The following AASS variants were observed in gnomAD, a reference collection of about 807,000 sequenced individuals.
The protein encoded by AASS is aminoadipate-semialdehyde synthase.
Under a neutral mutation model 105.4 loss-of-function variants are expected in AASS, and 86 were observed. That is an observed-to-expected ratio of 0.82 (90% CI 0.69 to 0.98). The LOEUF is 0.98. Among genes scored for constraint, AASS ranks in the 50% least tolerant of loss-of-function variants. AASS has a pLI of 0.00. For synonymous variants in AASS, 381 were observed against 394.8 expected, an observed-to-expected ratio of 0.96 and a Z score of 0.41; for missense variants, 1,048 against 1,143.2, an observed-to-expected ratio of 0.92 and a Z score of 1.20.
chr7:122,093,099 T>C lies in AASS; in HGVS notation c.1715A>G (p.Asn572Ser), dbSNP rs867051418. The C allele has an allele frequency of 1.7e-5, 28 of 1,614,016 alleles. No individual in the cohort carries two copies. Among genetic ancestry groups the C allele is most frequent in the Non-Finnish European group, 2.4e-5 (28 of 1,179,892 alleles). Residue 572 changes from asparagine to serine, a missense_variant, in exon 16 of 24, where the codon AAC becomes AGC. Transcript: ENST00000417368. ...VAKACITNKV[N>S]MVTASYITPA... is the part of the protein sequence containing the mutation. ...TGTGATGTAGCTTGCAGTGACCATG[T>C]TAACTTTGTTTGTGATGCAGGCCTT...
chr7:122,113,089 G>C, intron 11 of AASS, 29 bp downstream of exon 11: 1 of 1,538,848 alleles, frequency 6.5e-7, no homozygotes, highest in Non-Finnish European at 9.0e-7. Context: ...AAGCCACAGA[G>C]TTGTTACTGA....
At chr7:122,141,715 A>G (rs1174154980) in intron 1 of AASS, among the ~76,000 whole-genome samples, 1 of 151,216 alleles carries the variant, frequency 6.6e-6, no homozygotes, top group Non-Finnish European at 1.5e-5. Flanking sequence ...CTCATAGATC[A>G]ACAAATGTCG....
chr7:122,143,352 C>G (rs1182036759), intron 1 of AASS, among the ~76,000 whole-genome samples: 1 of 151,456 alleles, frequency 6.6e-6, no homozygotes, highest in African/African-American at 2.4e-5. Context: ...TTCCGCTCCC[C>G]CCACCCCCAT....
intron 18 of AASS, among the ~76,000 whole-genome samples, chr7:122,087,910 G>C (rs541872757): frequency 6.6e-6 from 1 of 152,288 alleles, no homozygotes; most frequent in South Asian, 2.1e-4. Flanking sequence ...AGAAGATGGA[G>C]AAATGTCAGC....
chr7:122,120,767 A>C (rs1402922727), intron 4 of AASS, among the ~76,000 whole-genome samples: 1 of 152,022 alleles, frequency 6.6e-6, no homozygotes, highest in Non-Finnish European at 1.5e-5. Context: ...TTATTCTCTT[A>C]AAAATATCTT....
At chr7:122,079,756 T>A in intron 20 of AASS, 44 bp from the exon 21 acceptor site, 1 of 1,326,214 alleles carries the variant, frequency 7.5e-7, no homozygotes, top group Non-Finnish European at 1.1e-6. Flanking sequence ...CCCTAACAAA[T>A]TTTTTTTTAA....
chr7:122,076,751 G>A (rs537694612), intron 23 of AASS, 144 bp from the exon 24 acceptor site: 18 of 689,694 alleles, frequency 2.6e-5, no homozygotes, highest in Middle Eastern at 2.4e-4. Flanking sequence ...GCTTAAAAAC[G>A]TCCCTTAGTA....
chr7:122,076,368 T>C lies in AASS; in HGVS notation c.*121A>G. On this transcript the variant is annotated 3_prime_UTR_variant, in exon 24 of 24. Coordinates refer to ENST00000417368, the MANE Select transcript of AASS (RefSeq NM_005763.4). ...AAAGATTTATAGTTCAAAAAGTACATTGTGTTAACCAAAACATATTATGCT... is the reference window on the plus strand; with the variant it reads ...AAAGATTTATAGTTCAAAAAGTACACTGTGTTAACCAAAACATATTATGCT... 2.6e-6 allele frequency: 2 copies of C among 759,734 alleles called. No individual in the cohort carries two copies. 47.1% of individuals were successfully genotyped at this position (759,734 alleles called of 1,614,324 possible).
chr7:122,118,006 G>A (rs1009853805), intron 6 of AASS, among the ~76,000 whole-genome samples: 1 of 151,976 alleles, frequency 6.6e-6, no homozygotes, highest in Admixed American at 6.6e-5. Flanking sequence ...AGTATTCCAA[G>A]ACTCCGATAG....
At position 122,113,211 on chromosome 7, in the gene AASS, G is replaced by T; in HGVS notation, c.1185C>A (p.Ile395=). Residue 395 remains isoleucine, a synonymous_variant, in exon 11 of 24, where the codon ATC becomes ATA. Transcript: ENST00000417368. ...IIHDSVEGSG[I]LMCSIDNLPA... is the part of the protein sequence containing the mutation. The stretch of plus-strand genomic sequence containing the variant: ...GCAAATTGTCAATGGAACACATCAG[G>T]ATCCCCGAGCCTTCAACACTAAAAG... The T allele has an allele frequency of 1.2e-6, 2 of 1,613,980 alleles. No individual in the cohort carries two copies. The highest frequency in any genetic ancestry group is 1.1e-5 in the South Asian group (1 of 91,082).
chr7:122,119,456 T>C (rs999519314), intron 4 of AASS, among the ~76,000 whole-genome samples: 30 of 152,276 alleles, frequency 2.0e-4, no homozygotes, highest in African/African-American at 6.5e-4. Flanking sequence ...TTGGATGTTC[T>C]TCAGAAAGCT....
intron 11 of AASS, among the ~76,000 whole-genome samples, chr7:122,107,848 T>TACAA (rs1794736986): frequency 6.6e-6 from 1 of 151,452 alleles, no homozygotes; most frequent in African/African-American, 2.4e-5. Flanking sequence ...GACACAAGTT[T>TACAA]ACCTATAGAA....
rs1461091900 is a variant in AASS, at chr7:122,111,631, C to T, written c.1278+1487G>A. Among the ~76,000 whole-genome samples the T allele has an allele frequency of 3.9e-5, 6 of 152,082 alleles. 1 individual carries two copies. Among genetic ancestry groups the T allele is most frequent in the Admixed American group, 6.6e-5 (1 of 15,260 alleles). On this transcript the variant is annotated intron_variant, in intron 11 of 23. Coordinates refer to ENST00000417368, the MANE Select transcript of AASS (RefSeq NM_005763.4). ...AAGATTATGTATTCGTGGCTGGGCGCGGTGGCTCACGCCTGTAATACCAGC... is the reference window on the plus strand; with the variant it reads ...AAGATTATGTATTCGTGGCTGGGCGTGGTGGCTCACGCCTGTAATACCAGC...
intron 22 of AASS, 90 bp downstream of exon 22, chr7:122,078,772 C>T (rs1036451681): frequency 5.6e-6 from 7 of 1,248,030 alleles, no homozygotes; most frequent in Non-Finnish European, 8.2e-6. Context: ...ATTCCTGCTG[C>T]TTGGGGCCAA....
chr7:122,096,286 T>C (rs1794150376), intron 15 of AASS, among the ~76,000 whole-genome samples: 1 of 152,138 alleles, frequency 6.6e-6, no homozygotes, highest in Non-Finnish European at 1.5e-5. Flanking sequence ...ACTCATTTTT[T>C]TGTAGTCCCT....
chr7:122,102,458 C>T (rs1372933070), intron 11 of AASS, among the ~76,000 whole-genome samples: 1 of 151,904 alleles, frequency 6.6e-6, no homozygotes, highest in South Asian at 2.1e-4. Context: ...GTTAGCATTG[C>T]TGTTTCTGGT....
chr7:122,107,887 A>T (rs981657872), intron 11 of AASS, among the ~76,000 whole-genome samples: 3 of 151,952 alleles, frequency 2.0e-5, no homozygotes, highest in Non-Finnish European at 2.9e-5. Context: ...CCTGAACCTA[A>T]AAGTTTTTTT....
chr7:122,138,479 ACTCT>A (rs1338623559), intron 1 of AASS, among the ~76,000 whole-genome samples: 12 of 152,096 alleles, frequency 7.9e-5, no homozygotes, highest in Non-Finnish European at 1.8e-4. Context: ...GGTCTCTCTC[ACTCT>A]CTCTTTCTCT....
intron 11 of AASS, among the ~76,000 whole-genome samples, chr7:122,111,021 C>T (rs1400462702): frequency 6.6e-6 from 1 of 152,028 alleles, no homozygotes; most frequent in African/African-American, 2.4e-5. Flanking sequence ...GATACATGTA[C>T]ATAATATCCA....
Sources: gnomAD v4.1 joint callset for allele counts (sites outside exome capture counted in the v4.1 genomes callset) on GRCh38, gnomAD v4.1.1 for gene constraint, MANE v1.5 for transcripts, NCBI Gene and HGNC (gene_info 2026-07-23, HGNC 2026-07-21) for gene names.